The following TECRL variants were observed in gnomAD, a reference collection of about 807,000 sequenced individuals.
TECRL encodes trans-2,3-enoyl-CoA reductase-like.
TECRL carries 63 observed loss-of-function variants against 52.8 expected under a neutral mutation model. The observed-to-expected ratio is 1.19, with a 90% CI of 0.97 to 1.47. The LOEUF (loss-of-function observed/expected upper bound fraction) is 1.47, where lower values mean the gene tolerates loss of function less well. TECRL is among the 40% of genes most tolerant of loss of function. The pLI is 0.00. For synonymous variants in TECRL, 164 were observed against 141.9 expected (o/e 1.16, Z -1.10); for missense variants, 482 against 429.6 (o/e 1.12, Z -1.08).
intron 10 of TECRL, 140 bp from the exon 11 acceptor site, chr4:64,281,226 T>C (rs1722808201): frequency 1.7e-6 from 1 of 587,810 alleles, no homozygotes; most frequent in South Asian, 3.3e-5. Flanking sequence ...AATAATAATT[T>C]AATTTTTACA....
At position 64,409,440 on chromosome 4, in the gene TECRL, C is replaced by G; in HGVS notation, c.-89G>C. 1 of 1,524,698 alleles carries G rather than the reference C, an allele frequency of 6.6e-7. No individual in the cohort carries two copies. The highest frequency in any genetic ancestry group is 2.1e-5 in the Admixed American group (1 of 47,850). 94.4% of individuals were successfully genotyped at this position (1,524,698 alleles called of 1,614,324 possible). On this transcript the variant is annotated 5_prime_UTR_variant, in exon 1 of 12. Transcript: ENST00000381210. Reference sequence around the variant, plus strand: ...CATCAGTTAAATACTGCTGGAGAACCTTTGAAAGGTCAAATGGTATGCCAT... The same window carrying G: ...CATCAGTTAAATACTGCTGGAGAACGTTTGAAAGGTCAAATGGTATGCCAT...
At chr4:64,387,918 T>C (rs1278286083) in intron 1 of TECRL, among the ~76,000 whole-genome samples, 1 of 151,974 alleles carries the variant, frequency 6.6e-6, no homozygotes, top group South Asian at 2.1e-4. Flanking sequence ...CATACATATA[T>C]GTCTTTTATC....
chr4:64,356,546 C>T (rs906843881), intron 2 of TECRL, among the ~76,000 whole-genome samples: 1 of 152,128 alleles, frequency 6.6e-6, no homozygotes, highest in South Asian at 2.1e-4. Context: ...TGAATCTGGC[C>T]TACATGCATA....
At chr4:64,286,743 C>T (rs1000285570) in intron 9 of TECRL, among the ~76,000 whole-genome samples, 1 of 152,004 alleles carries the variant, frequency 6.6e-6, no homozygotes, top group African/African-American at 2.4e-5. Flanking sequence ...ATATACAAAG[C>T]AAGATAAAGA....
At chr4:64,406,745 A>C (rs1724754324) in intron 1 of TECRL, among the ~76,000 whole-genome samples, 2 of 151,970 alleles carry the variant, frequency 1.3e-5, no homozygotes, top group Admixed American at 6.6e-5. Context: ...TGTAACAGGG[A>C]TTGAGTCCAG....
At chr4:64,333,748 C>T (rs867872921) in intron 2 of TECRL, among the ~76,000 whole-genome samples, 8 of 127,184 alleles carry the variant, frequency 6.3e-5, no homozygotes, top group South Asian at 4.4e-4. Context: ...TGGCCGGGCG[C>T]GGTGGCTCAC....
At chr4:64,349,282 AC>A (rs879546773) in intron 2 of TECRL, among the ~76,000 whole-genome samples, 2 of 151,714 alleles carry the variant, frequency 1.3e-5, no homozygotes, top group Non-Finnish European at 2.9e-5. Context: ...ACAGGCACGC[AC>A]CCCTACACCA....
intron 2 of TECRL, among the ~76,000 whole-genome samples, chr4:64,360,585 C>T (rs1721106743): frequency 6.6e-6 from 1 of 152,022 alleles, no homozygotes; most frequent in Non-Finnish European, 1.5e-5. Context: ...ACAGACCAGA[C>T]CATCAAGTAG....
At chr4:64,313,087 C>T (rs1210312759) in intron 5 of TECRL, among the ~76,000 whole-genome samples, 1 of 152,078 alleles carries the variant, frequency 6.6e-6, no homozygotes, top group Non-Finnish European at 1.5e-5. Context: ...TTCATAGCAA[C>T]ATGAGAACGA....
chr4:64,298,976 A>G (rs761710270), intron 8 of TECRL: 1 of 151,148 alleles, frequency 6.6e-6, no homozygotes, highest in Non-Finnish European at 1.5e-5. Context: ...AGTATGCACA[A>G]TTGGAAAATT....
chr4:64,291,666 A>T (rs1723398005), intron 8 of TECRL, among the ~76,000 whole-genome samples: 1 of 151,988 alleles, frequency 6.6e-6, no homozygotes, highest in Non-Finnish European at 1.5e-5. Flanking sequence ...AAATATTGGA[A>T]CGTCAATTGT....
chr4:64,376,981 A>C (rs1185600521), intron 1 of TECRL, among the ~76,000 whole-genome samples: 1 of 152,048 alleles, frequency 6.6e-6, no homozygotes, highest in Non-Finnish European at 1.5e-5. Context: ...TCTGATATGC[A>C]AAAGCTGTAT....
chr4:64,382,191 GTATATATATATATATATA>G (rs200934355), intron 1 of TECRL, among the ~76,000 whole-genome samples: 41 of 13,386 alleles, frequency 3.1e-3, no homozygotes, highest in Admixed American at 4.6e-3. Flanking sequence ...GGAAATTTCT[GTATATATATATATATATA>G]TATATATATA....
At chr4:64,397,410 T>C (rs2109767679) in intron 1 of TECRL, among the ~76,000 whole-genome samples, 1 of 151,982 alleles carries the variant, frequency 6.6e-6, no homozygotes, top group African/African-American at 2.4e-5. Context: ...AAGATGAATG[T>C]TTAGATCCTC....
intron 7 of TECRL, among the ~76,000 whole-genome samples, chr4:64,304,285 GT>G (rs1365033796): frequency 6.6e-6 from 1 of 151,844 alleles, no homozygotes; most frequent in Admixed American, 6.6e-5. Flanking sequence ...ATAGTTAATT[GT>G]TAGTATTAAG....
intron 4 of TECRL, among the ~76,000 whole-genome samples, chr4:64,315,851 T>C (rs960744485): frequency 2.6e-5 from 4 of 152,080 alleles, no homozygotes; most frequent in African/African-American, 4.8e-5. Context: ...CAGTTATAAT[T>C]CTGTCTTTTA....
chr4:64,346,049 C>T (rs1719960316), intron 2 of TECRL, among the ~76,000 whole-genome samples: 1 of 151,758 alleles, frequency 6.6e-6, no homozygotes, highest in African/African-American at 2.4e-5. Flanking sequence ...CACACACAGG[C>T]TTACTTAAAA....
intron 2 of TECRL, among the ~76,000 whole-genome samples, chr4:64,332,863 A>G (rs1020142463): frequency 2.6e-5 from 4 of 152,176 alleles, no homozygotes; most frequent in Non-Finnish European, 5.9e-5. Context: ...GAAAAAGTAC[A>G]TCATTCTAAT....
chr4:64,327,052 T>G (rs2110041381), intron 3 of TECRL, among the ~76,000 whole-genome samples: 1 of 152,174 alleles, frequency 6.6e-6, no homozygotes, highest in Non-Finnish European at 1.5e-5. Flanking sequence ...TAAAAATGAT[T>G]TAAGTGGTTT....
Sources: allele counts gnomAD v4.1 joint callset (sites outside exome capture counted in the v4.1 genomes callset), GRCh38; gene constraint gnomAD v4.1.1; transcripts MANE v1.5; gene names NCBI Gene and HGNC (gene_info 2026-07-23, HGNC 2026-07-21).